USP15: variants seen among roughly 807,000 people sequenced by gnomAD.
USP15 encodes the protein ubiquitin carboxyl-terminal hydrolase 15.
In USP15, 18 loss-of-function variants were observed where a neutral mutation model predicts 127.1. The observed-to-expected ratio is 0.14, with a 90% CI of 0.10 to 0.21. The LOEUF is 0.21. Among genes scored for constraint, USP15 ranks in the 10% least tolerant of loss-of-function variants. USP15 has a pLI of 1.00. For synonymous variants in USP15, 364 were observed against 393.7 expected, an observed-to-expected ratio of 0.92 and a Z score of 0.89; for missense variants, 805 against 1,159.9, an observed-to-expected ratio of 0.69 and a Z score of 4.44.
intron 8 of USP15, among the ~76,000 whole-genome samples, chr12:62,367,235 G>T (rs557362028): frequency 1.0e-3 from 157 of 151,224 alleles, no homozygotes; most frequent in African/African-American, 3.7e-3. Flanking sequence ...TTGTTTGTTT[G>T]TTTTTTGTTT....
intron 1 of USP15, among the ~76,000 whole-genome samples, chr12:62,271,652 TATTA>T (rs2063347574): frequency 6.6e-6 from 1 of 151,952 alleles, no homozygotes; most frequent in African/African-American, 2.4e-5. Flanking sequence ...AGTCAAGCAT[TATTA>T]ATTATCATTT....
chr12:62,301,584 A>G (rs1182602122), intron 2 of USP15, among the ~76,000 whole-genome samples: 2 of 152,178 alleles, frequency 1.3e-5, no homozygotes, highest in Non-Finnish European at 2.9e-5. Context: ...AGCCAAACAA[A>G]AAAGAGGACA....
rs537711016 is a variant in USP15 at position 62,399,171 on chromosome 12, C to T, written c.2675-2016C>T. On this transcript the variant is annotated intron_variant, in intron 20 of 21. Coordinates refer to ENST00000280377, the MANE Select transcript of USP15 (RefSeq NM_001252078.2). ...GGTTGAGATCAACAAACTCACAGCACGCAAAAGCATTCACCCAGCACCAGG... is the reference window on the plus strand; with the variant it reads ...GGTTGAGATCAACAAACTCACAGCATGCAAAAGCATTCACCCAGCACCAGG... 4.6e-5 allele frequency among the ~76,000 whole-genome samples: 7 copies of T among 152,262 alleles called. No individual in the cohort carries two copies. The South Asian group carries it at 1.0e-3, about 23-fold the overall frequency.
intron 8 of USP15, among the ~76,000 whole-genome samples, chr12:62,356,106 G>A (rs2066120973): frequency 1.3e-5 from 2 of 151,426 alleles, no homozygotes; most frequent in Non-Finnish European, 3.0e-5. Flanking sequence ...TATAAACTTA[G>A]GGCTGGTTAT....
intron 2 of USP15, among the ~76,000 whole-genome samples, chr12:62,296,568 T>C (rs1201065003): frequency 6.6e-6 from 1 of 152,072 alleles, no homozygotes; most frequent in African/African-American, 2.4e-5. Flanking sequence ...CTTGAAAATA[T>C]GTGAAGAAGA....
chr12:62,275,032 G>A (rs1301835847), intron 1 of USP15, among the ~76,000 whole-genome samples: 1 of 152,102 alleles, frequency 6.6e-6, no homozygotes, highest in Non-Finnish European at 1.5e-5. Context: ...GAAATATTCT[G>A]GAGGTGCTTG....
At chr12:62,367,895 G>T (rs1355080809) in intron 8 of USP15, among the ~76,000 whole-genome samples, 1 of 152,018 alleles carries the variant, frequency 6.6e-6, no homozygotes, top group Admixed American at 6.6e-5. Flanking sequence ...TCTTTTAATT[G>T]TGATGTTAGG....
chr12:62,401,485 T>A (rs1438432636), intron 21 of USP15, among the ~76,000 whole-genome samples: 1 of 152,008 alleles, frequency 6.6e-6, no homozygotes, highest in African/African-American at 2.4e-5. Context: ...AAGCATAAAT[T>A]GCAAGGTGAA....
At chr12:62,364,096 A>G (rs1417865053) in intron 8 of USP15, among the ~76,000 whole-genome samples, 1 of 152,176 alleles carries the variant, frequency 6.6e-6, no homozygotes, top group East Asian at 1.9e-4. Flanking sequence ...GGTGGTGGTT[A>G]AAATCATGGA....
intron 3 of USP15, among the ~76,000 whole-genome samples, chr12:62,313,391 T>G (rs1320237490): frequency 6.6e-6 from 1 of 151,670 alleles, no homozygotes; most frequent in African/African-American, 2.4e-5. Flanking sequence ...CTTTTCCTGC[T>G]TTGTGTTGGT....
intron 6 of USP15, among the ~76,000 whole-genome samples, chr12:62,338,737 T>A (rs1396871683): frequency 1.3e-5 from 2 of 152,130 alleles, no homozygotes; most frequent in Non-Finnish European, 2.9e-5. Flanking sequence ...ATCATTTCCC[T>A]ATTGCTTGTA....
intron 1 of USP15, among the ~76,000 whole-genome samples, chr12:62,261,890 TA>T (rs1359673622): frequency 2.0e-5 from 3 of 152,204 alleles, no homozygotes; most frequent in Non-Finnish European, 4.4e-5. Flanking sequence ...CCTAAGGATG[TA>T]AATACATACT....
At chr12:62,363,509 CATT>C (rs1426786852) in intron 8 of USP15, among the ~76,000 whole-genome samples, 1 of 152,128 alleles carries the variant, frequency 6.6e-6, no homozygotes, top group Non-Finnish European at 1.5e-5. Context: ...CTCTCACTTC[CATT>C]AGGTCGCTAT....
In USP15 at chr12:62,393,010, T is replaced by C; in HGVS notation, c.2421-43T>C. The C allele has an allele frequency of 1.9e-6, 3 of 1,595,534 alleles. No individual in the cohort carries two copies. The South Asian group carries it at 3.4e-5, about 18-fold the overall frequency. On this transcript the variant is annotated intron_variant, in intron 18 of 21. Coordinates refer to ENST00000280377, the MANE Select transcript of USP15 (RefSeq NM_001252078.2). ...TTATTATTTTCATTAATGGGGGTTGTTTGTACCTCTATCAAGTGTTAAATA... is the reference window on the plus strand; with the variant it reads ...TTATTATTTTCATTAATGGGGGTTGCTTGTACCTCTATCAAGTGTTAAATA...
chr12:62,353,638 A>C (rs886550601), intron 7 of USP15, among the ~76,000 whole-genome samples: 1 of 152,044 alleles, frequency 6.6e-6, no homozygotes, highest in Non-Finnish European at 1.5e-5. Flanking sequence ...TATACAGCAG[A>C]TCTTCATTTT....
intron 1 of USP15, among the ~76,000 whole-genome samples, chr12:62,290,780 G>C (rs1194859380): frequency 6.6e-6 from 1 of 152,088 alleles, no homozygotes; most frequent in African/African-American, 2.4e-5. Flanking sequence ...GACTTCCCTT[G>C]ATCATTTTTG....
intron 7 of USP15, among the ~76,000 whole-genome samples, chr12:62,354,660 T>G (rs1042218709): frequency 6.6e-6 from 1 of 151,942 alleles, no homozygotes; most frequent in South Asian, 2.1e-4. Context: ...TATCTTGAGG[T>G]TATATTTATC....
chr12:62,376,196 A>C (rs949063390), intron 8 of USP15, among the ~76,000 whole-genome samples: 6 of 152,088 alleles, frequency 3.9e-5, no homozygotes, highest in African/African-American at 1.4e-4. Context: ...CTTACATAGG[A>C]GCATTTGAAA....
At chr12:62,304,365 ATT>A (rs2064412727) in intron 3 of USP15, among the ~76,000 whole-genome samples, 1 of 152,352 alleles carries the variant, frequency 6.6e-6, no homozygotes, top group African/African-American at 2.4e-5. Context: ...CATGTGCTAT[ATT>A]ACATTGCGTG....
Sources: allele counts gnomAD v4.1 joint callset (sites outside exome capture counted in the v4.1 genomes callset), GRCh38; gene constraint gnomAD v4.1.1; transcripts MANE v1.5; gene names NCBI Gene and HGNC (gene_info 2026-07-23, HGNC 2026-07-21).